The following PTGES variants were observed in gnomAD, a reference collection of about 807,000 sequenced individuals.
PTGES encodes MGST1-like 1.
Under a neutral mutation model 11.8 loss-of-function variants are expected in PTGES, and 3 were observed. That is an observed-to-expected ratio of 0.25 (90% CI 0.12 to 0.66). The LOEUF (loss-of-function observed/expected upper bound fraction) is 0.66. Ranked by LOEUF, PTGES falls within the 30% of genes least tolerant of loss-of-function variation. The pLI is 0.82. For synonymous variants in PTGES, 94 were observed against 90.4 expected (o/e 1.04, Z -0.22); for missense variants, 180 against 213.0 (o/e 0.85, Z 0.96).
chr9:129,748,500 A>G (rs1224136229), intron 2 of PTGES, among the ~76,000 whole-genome samples, 155 bp downstream of exon 2: 5 of 152,248 alleles, frequency 3.3e-5, no homozygotes, highest in Non-Finnish European at 7.3e-5. Flanking sequence ...TTCATTTGAA[A>G]TTAAATCATT....
chr9:129,740,428 C>T (rs1020227236), intron 2 of PTGES, among the ~76,000 whole-genome samples: 6 of 152,150 alleles, frequency 3.9e-5, no homozygotes, highest in Non-Finnish European at 7.3e-5. Flanking sequence ...AAATGAATGC[C>T]GGGCTCTGTC....
chr9:129,746,377 A>C (rs1833048735), intron 2 of PTGES, among the ~76,000 whole-genome samples: 1 of 152,174 alleles, frequency 6.6e-6, no homozygotes, highest in South Asian at 2.1e-4. Context: ...TCATGTATGG[A>C]GAAGGCTTTT....
At chr9:129,751,205 C>G (rs45548340) in intron 1 of PTGES, among the ~76,000 whole-genome samples, 3,595 of 152,090 alleles carry the variant, frequency 0.024, 147 homozygotes, top group African/African-American at 0.081. Context: ...CACCTATAGT[C>G]CCAGCTACTT....
intron 1 of PTGES, among the ~76,000 whole-genome samples, chr9:129,752,102 T>G (rs1257815831): frequency 4.6e-5 from 7 of 152,236 alleles, no homozygotes. Flanking sequence ...TCCACCCGCA[T>G]GCAGTGCCAG....
At chr9:129,743,787 C>G (rs1319330039) in intron 2 of PTGES, among the ~76,000 whole-genome samples, 1 of 152,236 alleles carries the variant, frequency 6.6e-6, no homozygotes, top group Non-Finnish European at 1.5e-5. Context: ...TGCCAGGCCC[C>G]TCCTCAGAGT....
chr9:129,739,688 C>T lies in PTGES; in HGVS notation c.382G>A (p.Val128Met), dbSNP rs201438737. The T allele has an allele frequency of 2.8e-5, 44 of 1,565,446 alleles. No individual in the cohort carries two copies. Among genetic ancestry groups the T allele is most frequent in the Admixed American group, 1.5e-4 (8 of 52,702 alleles). The part of the protein sequence containing the change: ...LGKLRAPIRS[V>M]TYTLAQLPCA... ...GGGAGCTGGGCCAGGGTGTAGGTCA[C>T]GGAGCGGATGGGTGCCCGCAGCTTC... is the stretch of plus-strand genomic sequence containing the variant. Residue 128 changes from valine to methionine, a missense_variant, in exon 3 of 3, where the codon GTG (valine) becomes ATG (methionine). By Grantham distance (21) the Val-to-Met change is conservative. Coordinates refer to ENST00000340607, the MANE Select transcript of PTGES (RefSeq NM_004878.5). The surrounding 1 kb of genome is among the most constrained non-coding windows in gnomAD (Gnocchi z 5.7).
intron 1 of PTGES, 143 bp downstream of exon 1, chr9:129,752,744 G>GC (rs1319896795): frequency 1.2e-5 from 15 of 1,269,874 alleles, no homozygotes; most frequent in Admixed American, 1.0e-4. Flanking sequence ...CTGGCAGGAA[G>GC]CCCCCCGGCG....
rs199812265 is a variant in PTGES, at chr9:129,739,562, G to A, written c.*49C>T. On this transcript the variant is annotated 3_prime_UTR_variant, in exon 3 of 3. Coordinates refer to ENST00000340607, the MANE Select transcript of PTGES (RefSeq NM_004878.5). This position sits in a 1 kb window ranked among gnomAD's most constrained non-coding sequence, Gnocchi z 5.7. ...ACATCAAGTCCCCAGGTATAGCCAC[G>A]GCGGCTCTTGGCCCATGGTCTGGTG... 88 of 1,529,730 alleles carry A rather than the reference G, an allele frequency of 5.8e-5. No homozygotes were observed. The highest frequency in any genetic ancestry group is 7.6e-5 in the Non-Finnish European group (86 of 1,136,042). The allele number at this position is 1,529,730 out of a possible 1,614,324, so 94.8% of individuals were successfully genotyped here.
Position 129,739,948 on chromosome 9 carries a change from T to A in PTGES, c.210-88A>T. 6.8e-7 allele frequency: 1 copy of A among 1,459,930 alleles called. No individual in the cohort carries two copies. The highest frequency in any genetic ancestry group is 1.4e-5 in the South Asian group (1 of 72,268). 90.4% of individuals were successfully genotyped at this position (1,459,930 alleles called of 1,614,324 possible). A position where few individuals can be genotyped will look rare whatever the true frequency, so the allele number is the denominator to read the frequency against. On this transcript the variant is annotated intron_variant, in intron 2 of 2. Coordinates refer to ENST00000340607, the MANE Select transcript of PTGES (RefSeq NM_004878.5). This position sits in a 1 kb window ranked among gnomAD's most constrained non-coding sequence, Gnocchi z 5.7. ...GAGTGTCATGGAAGCTGGGGGTGCT[T>A]TGACCCACTGGGGGTCATTTCAGGC... is the stretch of plus-strand genomic sequence containing the variant.
chr9:129,751,323 T>TA (rs1833104602), intron 1 of PTGES, among the ~76,000 whole-genome samples: 1 of 132,008 alleles, frequency 7.6e-6, no homozygotes, highest in Non-Finnish European at 1.6e-5. Context: ...ACCCTGTCTC[T>TA]AAAATAAATA....
chr9:129,740,426 G>A (rs1014557187), intron 2 of PTGES, among the ~76,000 whole-genome samples: 3 of 152,160 alleles, frequency 2.0e-5, no homozygotes, highest in Non-Finnish European at 4.4e-5. Context: ...TGAAATGAAT[G>A]CCGGGCTCTG....
intron 2 of PTGES, among the ~76,000 whole-genome samples, chr9:129,746,084 G>C (rs1046419925): frequency 1.3e-5 from 2 of 151,464 alleles, no homozygotes; most frequent in African/African-American, 2.4e-5. Flanking sequence ...GCGCCACCCG[G>C]GTCTATCGTC....
chr9:129,739,608 T>C lies in PTGES; in HGVS notation c.*3A>G, dbSNP rs201032743. On this transcript the variant is annotated 3_prime_UTR_variant, in exon 3 of 3. Transcript: ENST00000340607. The surrounding 1 kb of genome is among the most constrained non-coding windows in gnomAD (Gnocchi z 5.7). ...TGGTGGCCAAGGAGGCATCAGCTGC[T>C]GGTCACAGGTGGCGGGCCGCTTCCC... 3.2e-5 allele frequency: 50 copies of C among 1,549,652 alleles called. No individual in the cohort carries two copies. The highest frequency in any genetic ancestry group is 4.3e-5 in the Non-Finnish European group (49 of 1,146,504).
At position 129,739,416 on chromosome 9, in the gene PTGES, A is replaced by T; in HGVS notation, c.*195T>A. 1 of 708,666 alleles carries T rather than the reference A, an allele frequency of 1.4e-6. No homozygotes were observed. The highest frequency in any genetic ancestry group is 2.2e-6 in the Non-Finnish European group (1 of 448,780). 43.9% of individuals were successfully genotyped at this position (708,666 alleles called of 1,614,324 possible). ...TCGTGCAGGAATCCAAGGGGCTAAGAAACATACACACACACATACACACAC... is the reference window on the plus strand; with the variant it reads ...TCGTGCAGGAATCCAAGGGGCTAAGTAACATACACACACACATACACACAC... On this transcript the variant is annotated 3_prime_UTR_variant, in exon 3 of 3. Coordinates refer to ENST00000340607, the MANE Select transcript of PTGES (RefSeq NM_004878.5). The surrounding 1 kb of genome is among the most constrained non-coding windows in gnomAD (Gnocchi z 5.7).
In PTGES at chr9:129,745,290, G is replaced by C. The variant is rs2130952320; in HGVS notation, c.209+3365C>G. On this transcript the variant is annotated intron_variant, in intron 2 of 2. Coordinates refer to ENST00000340607, the MANE Select transcript of PTGES (RefSeq NM_004878.5). The surrounding 1 kb of genome is among the most constrained non-coding windows in gnomAD (Gnocchi z 4.2). ...ATCCTGAAAAGGTGGCTAGTCCCTG[G>C]CTTCTCCCAGAACTAGGCTCACATT... 6.6e-6 allele frequency among the ~76,000 whole-genome samples: 1 copy of C among 152,328 alleles called. No homozygotes were observed. The highest frequency in any genetic ancestry group is 2.1e-4 in the South Asian group (1 of 4,828).
chr9:129,752,895 G>A lies in PTGES; in HGVS notation c.118C>T (p.Arg40Trp), dbSNP rs781594006. 9 of 1,613,782 alleles carry A rather than the reference G, an allele frequency of 5.6e-6. No individual in the cohort carries two copies. The highest frequency in any genetic ancestry group is 1.3e-5 in the African/African-American group (1 of 74,930). Reference sequence around the variant, plus strand: ...CCCAGGGAGGCACATACCTTCTTCCGCAGCCTCACTTGGCCCGTGATGATG... The same window carrying A: ...CCCAGGGAGGCACATACCTTCTTCCACAGCCTCACTTGGCCCGTGATGATG... Reference protein sequence around the residue: ...VAIITGQVRLRKKAFANPEDA... With the variant: ...VAIITGQVRLWKKAFANPEDA... Residue 40 changes from arginine to tryptophan, a missense_variant, in exon 1 of 3, where the codon CGG (arginine) becomes TGG (tryptophan). Transcript: ENST00000340607.
chr9:129,751,343 TAAAAA>T (rs34989168), intron 1 of PTGES, among the ~76,000 whole-genome samples: 3 of 103,340 alleles, frequency 2.9e-5, no homozygotes, highest in African/African-American at 1.1e-4. Context: ...AAATAATAAT[TAAAAA>T]AAAAAAAAAA....
chr9:129,739,446 G>GCA lies in PTGES; in HGVS notation c.*163_*164dup. The GCA allele has an allele frequency of 1.1e-6, 1 of 888,580 alleles. No individual in the cohort carries two copies. Among genetic ancestry groups the GCA allele is most frequent in the Non-Finnish European group, 1.7e-6 (1 of 605,166 alleles). 55.0% of individuals were successfully genotyped at this position (888,580 alleles called of 1,614,324 possible). On this transcript the variant is annotated 3_prime_UTR_variant, in exon 3 of 3. Transcript: ENST00000340607. This position sits in a 1 kb window ranked among gnomAD's most constrained non-coding sequence, Gnocchi z 5.7. ...TACACACACACATACACACACACGG[G>GCA]CACACACACAGGCCCACTGTGCCCA...
chr9:129,739,904 G>T lies in PTGES; in HGVS notation c.210-44C>A. 1 of 1,542,214 alleles carries T rather than the reference G, an allele frequency of 6.5e-7. No individual in the cohort carries two copies. Among genetic ancestry groups the T allele is most frequent in the East Asian group, 2.4e-5 (1 of 41,142 alleles). ...TGCGGTCAGCCAGGTATTAGCTTTG[G>T]GGCCATAGGCCCTTTTGAGAGTGTC... On this transcript the variant is annotated intron_variant, in intron 2 of 2. Coordinates refer to ENST00000340607, the MANE Select transcript of PTGES (RefSeq NM_004878.5). This position sits in a 1 kb window ranked among gnomAD's most constrained non-coding sequence, Gnocchi z 5.7.
Sources: allele counts gnomAD v4.1 joint callset (sites outside exome capture counted in the v4.1 genomes callset), GRCh38; gene constraint gnomAD v4.1.1; non-coding constraint Gnocchi (gnomAD v3.1); transcripts MANE v1.5; gene names NCBI Gene and HGNC (gene_info 2026-07-23, HGNC 2026-07-21).